Variants in SORCS2 observed in about 807,000 individuals in gnomAD.
The protein encoded by SORCS2 is VPS10 domain-containing receptor SorCS2.
A neutral mutation model predicts 141.6 loss-of-function variants in SORCS2; 100 were observed. That is an observed-to-expected ratio of 0.71 (90% CI 0.60 to 0.83). The LOEUF is 0.83. SORCS2 is among the 40% of genes least tolerant of loss of function. The pLI, the probability that SORCS2 is intolerant of heterozygous loss-of-function variation, is 0.00. For missense variants in SORCS2, 1,646 were observed against 1,560.2 expected, an observed-to-expected ratio of 1.05 and a Z score of -0.93; for synonymous variants, 789 against 676.9, an observed-to-expected ratio of 1.17 and a Z score of -2.57.
chr4:7,396,617 C>T (rs1201605995), intron 2 of SORCS2, among the ~76,000 whole-genome samples: 1 of 152,168 alleles, frequency 6.6e-6, no homozygotes, highest in Admixed American at 6.5e-5. Context: ...TTTTTCTCCC[C>T]GCTTCCTTTT....
chr4:7,267,744 A>C (rs546832598), intron 1 of SORCS2, among the ~76,000 whole-genome samples: 23 of 152,334 alleles, frequency 1.5e-4, no homozygotes, highest in African/African-American at 5.1e-4. Context: ...ATCAGGGAGA[A>C]TTGCTTGAAT....
Position 7,201,534 on chromosome 4 carries a change from A to T in SORCS2, c.480+8408A>T, listed in dbSNP as rs1478276506. On this transcript the variant is annotated intron_variant, in intron 1 of 26. Coordinates refer to ENST00000507866, the MANE Select transcript of SORCS2 (RefSeq NM_020777.3). This position sits in a 1 kb window ranked among gnomAD's most constrained non-coding sequence, Gnocchi z 4.4. ...TATTTTATGGTGATTTTTCAGAGTC[A>T]GGCTAAGACTTGTGCAGATGATTCG... is the stretch of plus-strand genomic sequence containing the variant. Among the ~76,000 whole-genome samples, 1 of 152,138 alleles carries T rather than the reference A, an allele frequency of 6.6e-6. No homozygotes were observed. Among genetic ancestry groups the T allele is most frequent in the African/African-American group, 2.4e-5 (1 of 41,382 alleles).
intron 3 of SORCS2, among the ~76,000 whole-genome samples, chr4:7,560,914 G>A (rs1042462869): frequency 2.0e-5 from 3 of 152,192 alleles, no homozygotes; most frequent in African/African-American, 7.2e-5. Context: ...AGGGAAATCA[G>A]GTTTGCCAAG....
intron 12 of SORCS2, among the ~76,000 whole-genome samples, 167 bp downstream of exon 12, chr4:7,697,441 C>T (rs550961554): frequency 1.1e-3 from 175 of 152,352 alleles, no homozygotes; most frequent in African/African-American, 4.2e-3. Context: ...CTCACTTTAG[C>T]AGATGTGCAT....
At chr4:7,323,521 G>A (rs1483691852) in intron 1 of SORCS2, among the ~76,000 whole-genome samples, 1 of 152,160 alleles carries the variant, frequency 6.6e-6, no homozygotes, top group Non-Finnish European at 1.5e-5. Flanking sequence ...GGGGGTCAGA[G>A]CACCAGGAGG....
intron 17 of SORCS2, among the ~76,000 whole-genome samples, chr4:7,717,718 C>T (rs775507764): frequency 1.7e-5 from 2 of 114,874 alleles, no homozygotes; most frequent in South Asian, 5.8e-4. Context: ...CTAACGGTGG[C>T]TGTTACTGTT....
chr4:7,243,744 C>T (rs1014190009), intron 1 of SORCS2, among the ~76,000 whole-genome samples: 8 of 152,222 alleles, frequency 5.3e-5, no homozygotes, highest in Non-Finnish European at 7.3e-5. Context: ...TCAGTTAGGG[C>T]GTGGGGATCC....
At chr4:7,512,028 A>G (rs1323376900) in intron 2 of SORCS2, among the ~76,000 whole-genome samples, 1 of 152,222 alleles carries the variant, frequency 6.6e-6, no homozygotes, top group Non-Finnish European at 1.5e-5. Context: ...GTTCCTGCGC[A>G]ATACACAGAC....
intron 11 of SORCS2, among the ~76,000 whole-genome samples, chr4:7,691,169 G>A (rs114256591): frequency 3.3e-5 from 5 of 152,348 alleles, no homozygotes; most frequent in Non-Finnish European, 7.3e-5. Flanking sequence ...GGGGGTGGCT[G>A]TGTGGCCAGT....
chr4:7,326,996 C>T (rs1427990953), intron 1 of SORCS2, among the ~76,000 whole-genome samples: 1 of 152,234 alleles, frequency 6.6e-6, no homozygotes, highest in African/African-American at 2.4e-5. Context: ...GCCTCCACCC[C>T]TGCCCACAGC....
At chr4:7,480,528 G>A (rs10804998) in intron 2 of SORCS2, among the ~76,000 whole-genome samples, 38,095 of 152,170 alleles carry the variant, frequency 0.25, 6,174 homozygotes, top group Middle Eastern at 0.37. Flanking sequence ...TTCAGAACAG[G>A]CACCCGCCAA....
intron 17 of SORCS2, among the ~76,000 whole-genome samples, chr4:7,716,825 G>A (rs759708373): frequency 1.6e-4 from 25 of 152,266 alleles, no homozygotes; most frequent in Non-Finnish European, 3.7e-4. Context: ...CCAGGATCTT[G>A]ATCAAGACAA....
At chr4:7,503,186 A>C (rs1006237367) in intron 2 of SORCS2, among the ~76,000 whole-genome samples, 1 of 152,128 alleles carries the variant, frequency 6.6e-6, no homozygotes, top group Non-Finnish European at 1.5e-5. Context: ...AACATGGAAA[A>C]TTCTCCTTCA....
At position 7,602,256 on chromosome 4, in the gene SORCS2, G is replaced by GC. The variant is rs1003217017; in HGVS notation, c.649-36066dup. 5.7e-4 allele frequency among the ~76,000 whole-genome samples: 85 copies of GC among 149,166 alleles called. No individual in the cohort carries two copies. In the East Asian group the frequency reaches 0.015, roughly 27 times the overall value. On this transcript the variant is annotated intron_variant, in intron 3 of 26. Coordinates refer to ENST00000507866, the MANE Select transcript of SORCS2 (RefSeq NM_020777.3). ...CCAGACGGGGTGGCCAGGCAGAGGC[G>GC]CCCCCCACCTCCCTCCCGGACGGGG... is the stretch of plus-strand genomic sequence containing the variant.
intron 1 of SORCS2, among the ~76,000 whole-genome samples, chr4:7,335,210 C>T (rs771768850): frequency 4.6e-5 from 7 of 152,176 alleles, no homozygotes; most frequent in Admixed American, 3.9e-4. Context: ...TTCCTCTCTA[C>T]GTTCAAGTTT....
At chr4:7,313,451 C>T (rs546334168) in intron 1 of SORCS2, among the ~76,000 whole-genome samples, 2 of 152,182 alleles carry the variant, frequency 1.3e-5, no homozygotes, top group South Asian at 4.2e-4. Context: ...AAGAGAAGAA[C>T]GAGAGGGTAA....
chr4:7,516,820 A>G (rs1409044729), intron 2 of SORCS2, among the ~76,000 whole-genome samples: 1 of 152,202 alleles, frequency 6.6e-6, no homozygotes, highest in Non-Finnish European at 1.5e-5. Flanking sequence ...TTGCAGGTAC[A>G]GGTGTGAGAA....
At chr4:7,561,595 T>G (rs1384116798) in intron 3 of SORCS2, among the ~76,000 whole-genome samples, 1 of 134,766 alleles carries the variant, frequency 7.4e-6, no homozygotes, top group Non-Finnish European at 1.6e-5. Flanking sequence ...CATTCATCCA[T>G]CTATCCATCT....
intron 2 of SORCS2, among the ~76,000 whole-genome samples, chr4:7,413,215 G>C (rs1356645704): frequency 6.6e-6 from 1 of 151,776 alleles, no homozygotes; most frequent in South Asian, 2.1e-4. Flanking sequence ...TCATAAACAC[G>C]GCGTAAAAAC....
Sources: gnomAD v4.1 joint callset for allele counts (sites outside exome capture counted in the v4.1 genomes callset) on GRCh38, gnomAD v4.1.1 for gene constraint, Gnocchi (gnomAD v3.1) non-coding constraint, MANE v1.5 for transcripts, NCBI Gene and HGNC (gene_info 2026-07-23, HGNC 2026-07-21) for gene names.